The following PPFIA2 variants were observed in gnomAD, a reference collection of about 807,000 sequenced individuals.
PPFIA2 encodes the protein PPFI scaffold protein A2, also known as liprin-alpha-2.
PPFIA2 carries 46 observed loss-of-function variants against 175.5 expected under a neutral mutation model. The ratio of observed to expected loss-of-function variants is 0.26; its 90% CI spans 0.21 to 0.34. The LOEUF (loss-of-function observed/expected upper bound fraction) is 0.34, where lower values mean the gene tolerates loss of function less well. PPFIA2 is among the 10% of genes least tolerant of loss of function. The pLI, the probability that PPFIA2 is intolerant of heterozygous loss-of-function variation, is 1.00. For missense variants in PPFIA2, 1,179 were observed against 1,506.1 expected (o/e 0.78, Z 3.60); for synonymous variants, 568 against 511.4 (o/e 1.11, Z -1.49).
intron 7 of PPFIA2, among the ~76,000 whole-genome samples, chr12:81,439,716 C>G (rs1463459744): frequency 6.6e-6 from 1 of 152,134 alleles, no homozygotes; most frequent in Non-Finnish European, 1.5e-5. Context: ...TGCCTGTAGT[C>G]TTTCTAAATC....
At position 81,356,571 on chromosome 12, in the gene PPFIA2, G is replaced by T. The variant is rs142802332; in HGVS notation, c.1773+1511C>A. Among the ~76,000 whole-genome samples, 353 of 152,164 alleles carry T rather than the reference G, an allele frequency of 2.3e-3. 3 individuals are homozygous for T. Among genetic ancestry groups the T allele is most frequent in the African/African-American group, 8.0e-3 (333 of 41,512 alleles). On this transcript the variant is annotated intron_variant, in intron 16 of 32. Transcript: ENST00000549396. ...CCAGCTACTTGGGAGGCTGAGATGG[G>T]AGGATTGCTTGAGCTCAGGAATTCA... is the stretch of plus-strand genomic sequence containing the variant.
chr12:81,371,544 T>C (rs1305040392), intron 11 of PPFIA2, among the ~76,000 whole-genome samples: 1 of 151,552 alleles, frequency 6.6e-6, no homozygotes, highest in African/African-American at 2.4e-5. Flanking sequence ...TGTTTACTTA[T>C]TAAAAACACA....
intron 4 of PPFIA2, among the ~76,000 whole-genome samples, chr12:81,532,206 C>T (rs370420563): frequency 6.6e-6 from 1 of 151,816 alleles, no homozygotes; most frequent in East Asian, 1.9e-4. Context: ...TTCCCACTAG[C>T]AAGCTGTAGA....
intron 3 of PPFIA2, among the ~76,000 whole-genome samples, chr12:81,729,446 C>A (rs1181826765): frequency 1.3e-5 from 2 of 151,540 alleles, no homozygotes; most frequent in African/African-American, 4.8e-5. Context: ...CTGTACTTTG[C>A]AGTGAATTCC....
chr12:81,716,420 T>TA (rs2078622844), intron 3 of PPFIA2, among the ~76,000 whole-genome samples: 1 of 151,424 alleles, frequency 6.6e-6, no homozygotes, highest in South Asian at 2.1e-4. Context: ...ACTGAGATAG[T>TA]AAAATTGCCA....
At chr12:81,302,513 G>T (rs1386383423) in intron 22 of PPFIA2, among the ~76,000 whole-genome samples, 1 of 152,110 alleles carries the variant, frequency 6.6e-6, no homozygotes, top group African/African-American at 2.4e-5. Context: ...AGTAATAGCA[G>T]TCTAAGAAAA....
chr12:81,435,541 A>G (rs2048821440), intron 7 of PPFIA2, among the ~76,000 whole-genome samples: 1 of 152,090 alleles, frequency 6.6e-6, no homozygotes, highest in South Asian at 2.1e-4. Context: ...CCCATCCGTG[A>G]GAATAAGACA....
At chr12:81,405,668 C>A in intron 8 of PPFIA2, 119 bp downstream of exon 8, 1 of 603,268 alleles carries the variant, frequency 1.7e-6, no homozygotes, top group Non-Finnish European at 2.9e-6. Context: ...AAACCTTGAA[C>A]CTTTGACCAA....
intron 4 of PPFIA2, among the ~76,000 whole-genome samples, chr12:81,600,901 G>A (rs932045049): frequency 2.6e-5 from 4 of 151,934 alleles, no homozygotes; most frequent in Non-Finnish European, 5.9e-5. Context: ...CCTGTAAACT[G>A]GGTCTAACAC....
At chr12:81,653,518 T>C (rs1443343011) in intron 4 of PPFIA2, among the ~76,000 whole-genome samples, 1 of 152,114 alleles carries the variant, frequency 6.6e-6, no homozygotes, top group African/African-American at 2.4e-5. Context: ...TTAGCAATCC[T>C]TGGCATTCCA....
rs2035753370 is a variant in PPFIA2 at position 81,262,045 on chromosome 12, A to G, written c.3716-5T>C. The G allele has an allele frequency of 1.9e-6, 3 of 1,582,672 alleles. No homozygotes were observed. The highest frequency in any genetic ancestry group is 2.6e-6 in the Non-Finnish European group (3 of 1,156,042). On this transcript the variant is annotated splice_polypyrimidine_tract_variant and splice_region_variant and intron_variant, in intron 31 of 32. Coordinates refer to ENST00000549396, the MANE Select transcript of PPFIA2 (RefSeq NM_003625.5). ...TCTGCAGTCTTGATGAAGCAACTGC[A>G]AATGGAGAAAAGGGCTTTAGAGGGA...
chr12:81,367,732 T>A (rs1460647639), intron 13 of PPFIA2, among the ~76,000 whole-genome samples: 1 of 151,692 alleles, frequency 6.6e-6, no homozygotes, highest in Non-Finnish European at 1.5e-5. Flanking sequence ...GGAAATAAGT[T>A]GGCATCATAG....
chr12:81,321,206 A>G (rs989198559), intron 22 of PPFIA2, among the ~76,000 whole-genome samples: 6 of 152,116 alleles, frequency 3.9e-5, no homozygotes, highest in African/African-American at 1.2e-4. Context: ...TATATGTTTC[A>G]GGCAATTATC....
At chr12:81,724,868 T>C (rs1038616048) in intron 3 of PPFIA2, among the ~76,000 whole-genome samples, 2 of 151,082 alleles carry the variant, frequency 1.3e-5, no homozygotes, top group Admixed American at 6.6e-5. Context: ...CTGGATCCAA[T>C]AGTAGTTCTA....
intron 19 of PPFIA2, among the ~76,000 whole-genome samples, chr12:81,343,757 C>T (rs1369650025): frequency 6.6e-6 from 1 of 151,938 alleles, no homozygotes; most frequent in Non-Finnish European, 1.5e-5. Flanking sequence ...TTCCATATTC[C>T]ATATTTATTC....
chr12:81,604,965 T>C (rs116317727), intron 4 of PPFIA2, among the ~76,000 whole-genome samples: 1,952 of 151,726 alleles, frequency 0.013, 46 homozygotes, highest in African/African-American at 0.044. Flanking sequence ...CCCAAGAAAT[T>C]ATCTAATACA....
chr12:81,659,685 T>G (rs1397322533), intron 4 of PPFIA2, among the ~76,000 whole-genome samples: 1 of 152,154 alleles, frequency 6.6e-6, no homozygotes, highest in African/African-American at 2.4e-5. Context: ...AATGTCCCTG[T>G]CTGACAGCTT....
intron 4 of PPFIA2, among the ~76,000 whole-genome samples, chr12:81,531,769 C>A (rs1482652790): frequency 1.3e-5 from 2 of 151,452 alleles, no homozygotes; most frequent in African/African-American, 2.4e-5. Flanking sequence ...AACAAGAGAG[C>A]AACACAGGTA....
intron 3 of PPFIA2, among the ~76,000 whole-genome samples, chr12:81,726,280 G>A (rs980078318): frequency 6.6e-6 from 1 of 151,158 alleles, no homozygotes; most frequent in African/African-American, 2.4e-5. Flanking sequence ...TTCTCAAATA[G>A]ATTATTTCTA....
Sources: gnomAD v4.1 joint callset for allele counts (sites outside exome capture counted in the v4.1 genomes callset) on GRCh38, gnomAD v4.1.1 for gene constraint, MANE v1.5 for transcripts, NCBI Gene and HGNC (gene_info 2026-07-23, HGNC 2026-07-21) for gene names.